Variants in EYS observed in about 807,000 individuals in gnomAD.
EYS encodes the protein protein eyes shut homolog.
In EYS, 250 loss-of-function variants were observed where a neutral mutation model predicts 282.1. The ratio of observed to expected loss-of-function variants is 0.89; its 90% CI spans 0.80 to 0.98. The LOEUF is 0.98. Ranked by LOEUF, EYS falls within the 50% of genes least tolerant of loss-of-function variation. EYS has a pLI of 0.00. For missense variants in EYS, 4,016 were observed against 3,709.0 expected (o/e 1.08, Z -2.15); for synonymous variants, 1,355 against 1,282.9 (o/e 1.06, Z -1.20).
At chr6:65,655,106 T>G (rs958018699) in intron 1 of EYS, among the ~76,000 whole-genome samples, 73 of 151,760 alleles carry the variant, frequency 4.8e-4, no homozygotes, top group Middle Eastern at 3.4e-3. Flanking sequence ...ATAATTAAAA[T>G]GTATTATTAA....
chr6:64,551,376 C>T (rs925074422), intron 26 of EYS, among the ~76,000 whole-genome samples: 1 of 151,712 alleles, frequency 6.6e-6, no homozygotes, highest in Non-Finnish European at 1.5e-5. Flanking sequence ...TTTGAGGATA[C>T]CTAGTAGCTG....
At chr6:65,505,993 G>A (rs535417553) in intron 2 of EYS, among the ~76,000 whole-genome samples, 5 of 152,156 alleles carry the variant, frequency 3.3e-5, no homozygotes, top group South Asian at 4.1e-4. Flanking sequence ...GTATCCAACC[G>A]TAATGGTGGG....
At chr6:65,586,531 C>A (rs1270129116) in intron 2 of EYS, among the ~76,000 whole-genome samples, 1 of 151,948 alleles carries the variant, frequency 6.6e-6, no homozygotes, top group African/African-American at 2.4e-5. Flanking sequence ...CCATTAGAGA[C>A]AAAACTGATT....
At chr6:64,342,622 T>A (rs1023995654) in intron 29 of EYS, among the ~76,000 whole-genome samples, 1 of 151,984 alleles carries the variant, frequency 6.6e-6, no homozygotes, top group African/African-American at 2.4e-5. Flanking sequence ...TGCCAAATTG[T>A]AAAGACCATA....
intron 35 of EYS, among the ~76,000 whole-genome samples, chr6:63,970,292 C>T (rs1766501112): frequency 6.6e-6 from 1 of 152,186 alleles, no homozygotes. Context: ...TCCTGTGCTG[C>T]TGCACTGGCC....
At chr6:64,953,580 T>C (rs7738568) in intron 14 of EYS, among the ~76,000 whole-genome samples, 143,931 of 151,830 alleles carry the variant, frequency 0.95, 68,336 homozygotes, top group African/African-American at 0.99. Context: ...AATCTTTATT[T>C]ATAAAAACAA....
intron 8 of EYS, among the ~76,000 whole-genome samples, chr6:65,373,268 C>G (rs569795073): frequency 6.6e-6 from 1 of 152,102 alleles, no homozygotes; most frequent in Non-Finnish European, 1.5e-5. Flanking sequence ...CCAGGTAGGT[C>G]ACAGGCTTTG....
intron 2 of EYS, among the ~76,000 whole-genome samples, chr6:65,618,128 A>G (rs1166016240): frequency 1.3e-5 from 2 of 152,176 alleles, no homozygotes; most frequent in Non-Finnish European, 2.9e-5. Flanking sequence ...GAATTGCCAC[A>G]CTGACTTCCA....
At chr6:65,650,747 A>C (rs1767623364) in intron 1 of EYS, among the ~76,000 whole-genome samples, 1 of 152,212 alleles carries the variant, frequency 6.6e-6, no homozygotes, top group Admixed American at 6.6e-5. Flanking sequence ...CACAGAGAGC[A>C]AAAACAGCTC....
chr6:64,898,341 T>A (rs1275010359), intron 18 of EYS, among the ~76,000 whole-genome samples: 1 of 152,008 alleles, frequency 6.6e-6, no homozygotes, highest in African/African-American at 2.4e-5. Flanking sequence ...GAATTTCATA[T>A]CCAGCCAAAC....
chr6:64,870,029 G>A (rs1011840487), intron 19 of EYS, among the ~76,000 whole-genome samples: 2 of 151,564 alleles, frequency 1.3e-5, no homozygotes, highest in African/African-American at 2.4e-5. Flanking sequence ...TTTTAAGTTA[G>A]AACTGAAAGG....
intron 26 of EYS, among the ~76,000 whole-genome samples, chr6:64,444,204 T>A (rs947122268): frequency 8.5e-5 from 13 of 152,310 alleles, no homozygotes; most frequent in African/African-American, 2.2e-4. Context: ...AATCTTTATT[T>A]TTCTTCAGTT....
intron 19 of EYS, among the ~76,000 whole-genome samples, chr6:64,857,341 A>G (rs888127625): frequency 8.5e-5 from 13 of 152,188 alleles, no homozygotes; most frequent in African/African-American, 3.1e-4. Context: ...TTCCATATGT[A>G]AGTGAAATAA....
At chr6:65,443,253 T>A (rs917698160) in intron 5 of EYS, among the ~76,000 whole-genome samples, 2 of 138,890 alleles carry the variant, frequency 1.4e-5, no homozygotes, top group Non-Finnish European at 3.3e-5. Context: ...CATATGTGTA[T>A]ACATATATGC....
At chr6:64,575,807 A>G (rs918419887) in intron 26 of EYS, among the ~76,000 whole-genome samples, 1 of 152,170 alleles carries the variant, frequency 6.6e-6, no homozygotes, top group South Asian at 2.1e-4. Flanking sequence ...TTGTGACAGC[A>G]GTTTATAAAC....
chr6:64,451,440 G>A (rs1030229113), intron 26 of EYS, among the ~76,000 whole-genome samples: 12 of 152,218 alleles, frequency 7.9e-5, no homozygotes, highest in South Asian at 4.1e-4. Context: ...ACAAGGAGGA[G>A]CTGGTACCAT....
At chr6:64,844,398 A>T (rs545536914) in intron 19 of EYS, among the ~76,000 whole-genome samples, 1 of 149,740 alleles carries the variant, frequency 6.7e-6, no homozygotes, top group South Asian at 2.1e-4. Context: ...TCAGTGCTTG[A>T]TACTCAATAA....
At chr6:64,803,379 G>T (rs1764318472) in intron 22 of EYS, among the ~76,000 whole-genome samples, 1 of 151,368 alleles carries the variant, frequency 6.6e-6, no homozygotes. Context: ...AGGTGTGTGT[G>T]TGGGGGGGTT....
chr6:64,080,679 T>TA (rs1771935475), intron 32 of EYS, among the ~76,000 whole-genome samples: 1 of 152,144 alleles, frequency 6.6e-6, no homozygotes, highest in Admixed American at 6.5e-5. Flanking sequence ...CTAGGGTTTT[T>TA]ATGGTTTTAG....
Sources: allele counts gnomAD v4.1 joint callset (sites outside exome capture counted in the v4.1 genomes callset), GRCh38; gene constraint gnomAD v4.1.1; transcripts MANE v1.5; gene names NCBI Gene and HGNC (gene_info 2026-07-23, HGNC 2026-07-21).